Variants in BNC2 observed in about 807,000 individuals in gnomAD.
The protein encoded by BNC2 is basonuclin zinc finger protein 2, also known as zinc finger protein basonuclin-2.
In BNC2, 20 loss-of-function variants were observed where a neutral mutation model predicts 76.3. The ratio of observed to expected loss-of-function variants is 0.26; its 90% CI spans 0.18 to 0.38. BNC2 has a LOEUF of 0.38. Among genes scored for constraint, BNC2 ranks in the 10% least tolerant of loss-of-function variants. The pLI is 1.00. For synonymous variants in BNC2, 582 were observed against 514.8 expected, an observed-to-expected ratio of 1.13 and a Z score of -1.77; for missense variants, 1,382 against 1,399.8, an observed-to-expected ratio of 0.99 and a Z score of 0.20.
chr9:16,421,308 CAAAAG>C, intron 6 of BNC2: 1 of 1,289,848 alleles, frequency 7.8e-7, no homozygotes, highest in Non-Finnish European at 1.0e-6. Context: ...AAATCGATCA[CAAAAG>C]AAAGCAAGAA....
At chr9:16,763,620 T>C (rs1434738251) in intron 1 of BNC2, among the ~76,000 whole-genome samples, 1 of 152,064 alleles carries the variant, frequency 6.6e-6, no homozygotes, top group East Asian at 1.9e-4. Flanking sequence ...TGATTTTATA[T>C]GAAGTTAGGA....
At chr9:16,491,975 T>C (rs1363680122) in intron 5 of BNC2, among the ~76,000 whole-genome samples, 1 of 152,228 alleles carries the variant, frequency 6.6e-6, no homozygotes, top group African/African-American at 2.4e-5. Context: ...CAAGGATCAG[T>C]TATTTTTTCT....
At chr9:16,492,185 A>G (rs1309292384) in intron 5 of BNC2, among the ~76,000 whole-genome samples, 1 of 151,872 alleles carries the variant, frequency 6.6e-6, no homozygotes, top group African/African-American at 2.4e-5. Flanking sequence ...CTGCTTTCAC[A>G]TGGTGTGGGC....
At chr9:16,573,970 C>G (rs776907918) in intron 4 of BNC2, among the ~76,000 whole-genome samples, 2 of 152,148 alleles carry the variant, frequency 1.3e-5, no homozygotes, top group African/African-American at 4.8e-5. Flanking sequence ...AGCAATTTCA[C>G]ACTTCAGTAA....
At chr9:16,699,599 G>A (rs1823448218) in intron 3 of BNC2, among the ~76,000 whole-genome samples, 1 of 152,198 alleles carries the variant, frequency 6.6e-6, no homozygotes, top group African/African-American at 2.4e-5. Context: ...GATACCAAGT[G>A]CAAACTGCAT....
At chr9:16,656,912 A>C (rs767608492) in intron 3 of BNC2, among the ~76,000 whole-genome samples, 1 of 152,196 alleles carries the variant, frequency 6.6e-6, no homozygotes, top group African/African-American at 2.4e-5. Flanking sequence ...TTGCCATTTA[A>C]AATTGGGGAA....
chr9:16,647,931 T>C (rs1821681507), intron 3 of BNC2, among the ~76,000 whole-genome samples: 1 of 152,164 alleles, frequency 6.6e-6, no homozygotes, highest in Non-Finnish European at 1.5e-5. Flanking sequence ...AAAAATTTTA[T>C]ACATTAACAA....
At chr9:16,728,771 T>C (rs1315662857) in intron 2 of BNC2, among the ~76,000 whole-genome samples, 2 of 151,934 alleles carry the variant, frequency 1.3e-5, no homozygotes, top group African/African-American at 4.8e-5. Flanking sequence ...CAATAAACAT[T>C]TGCCAAATAT....
intron 3 of BNC2, among the ~76,000 whole-genome samples, chr9:16,683,627 AC>A (rs1822889362): frequency 6.6e-6 from 1 of 152,250 alleles, no homozygotes. Context: ...AGGACACATG[AC>A]ATGGCAAGAA....
intron 5 of BNC2, among the ~76,000 whole-genome samples, chr9:16,441,074 C>G (rs1281241951): frequency 1.3e-5 from 2 of 152,090 alleles, no homozygotes; most frequent in Admixed American, 6.6e-5. Context: ...GCCTATAATC[C>G]CGACATTTAG....
At chr9:16,781,595 G>A (rs574414277) in intron 1 of BNC2, among the ~76,000 whole-genome samples, 2 of 152,220 alleles carry the variant, frequency 1.3e-5, no homozygotes, top group South Asian at 2.1e-4. Flanking sequence ...TGCCCGCCCT[G>A]GCCTCCCAAA....
At chr9:16,481,143 T>C (rs1735487435) in intron 5 of BNC2, among the ~76,000 whole-genome samples, 1 of 152,124 alleles carries the variant, frequency 6.6e-6, no homozygotes, top group Non-Finnish European at 1.5e-5. Context: ...CCATACTCTG[T>C]ATCTAACTAA....
chr9:16,442,964 C>T lies in BNC2; in HGVS notation c.670-5440G>A, dbSNP rs1230961942. On this transcript the variant is annotated intron_variant, in intron 5 of 6. Transcript: ENST00000380672. ...CTACTAAAAATACAAAAAAATTAGC[C>T]AGGTGTGGCAGAGGGCACCTCTAAC... is the stretch of plus-strand genomic sequence containing the variant. Among the ~76,000 whole-genome samples, 4 of 150,414 alleles carry T rather than the reference C, an allele frequency of 2.7e-5. No individual in the cohort carries two copies. The Admixed American group carries it at 2.7e-4, about 10-fold the overall frequency.
At chr9:16,753,734 T>C (rs927029421) in intron 1 of BNC2, among the ~76,000 whole-genome samples, 1 of 152,238 alleles carries the variant, frequency 6.6e-6, no homozygotes, top group African/African-American at 2.4e-5. Flanking sequence ...TTCATAAATA[T>C]TTCTTCAAAA....
intron 1 of BNC2, among the ~76,000 whole-genome samples, chr9:16,751,890 A>G (rs1489559477): frequency 6.6e-6 from 1 of 151,762 alleles, no homozygotes; most frequent in Non-Finnish European, 1.5e-5. Context: ...TTAGTTGGGC[A>G]TGGTGGCGGG....
chr9:16,636,964 T>C (rs1481073331), intron 3 of BNC2, among the ~76,000 whole-genome samples: 1 of 151,904 alleles, frequency 6.6e-6, no homozygotes, highest in East Asian at 1.9e-4. Flanking sequence ...AAAGCTCACA[T>C]AGTGCTTTCC....
intron 1 of BNC2, among the ~76,000 whole-genome samples, chr9:16,820,196 C>A (rs1321037047): frequency 1.3e-5 from 2 of 148,840 alleles, no homozygotes; most frequent in Non-Finnish European, 3.0e-5. Context: ...GAGGCCGAGG[C>A]AGGTGGATCA....
chr9:16,575,763 G>A (rs1202380360), intron 4 of BNC2, among the ~76,000 whole-genome samples: 8 of 152,202 alleles, frequency 5.3e-5, no homozygotes, highest in East Asian at 3.9e-4. Context: ...TCTCTAAAAC[G>A]AAGAAAAAAG....
intron 3 of BNC2, among the ~76,000 whole-genome samples, chr9:16,588,136 T>TG (rs1327209725): frequency 1.3e-5 from 2 of 152,132 alleles, no homozygotes; most frequent in Non-Finnish European, 2.9e-5. Context: ...ACAATGACAT[T>TG]GCAACAGTGG....
Sources: gnomAD v4.1 joint callset for allele counts (sites outside exome capture counted in the v4.1 genomes callset) on GRCh38, gnomAD v4.1.1 for gene constraint, MANE v1.5 for transcripts, NCBI Gene and HGNC (gene_info 2026-07-23, HGNC 2026-07-21) for gene names.